FMN1: variants seen among roughly 807,000 people sequenced by gnomAD.
The protein encoded by FMN1 is formin-1.
FMN1 carries 110 observed loss-of-function variants against 132.4 expected under a neutral mutation model. The observed-to-expected ratio is 0.83, with a 90% CI of 0.71 to 0.97. The LOEUF is 0.97. Among genes scored for constraint, FMN1 ranks in the 50% least tolerant of loss-of-function variants. FMN1 has a pLI of 0.00. For missense variants in FMN1, 1,792 were observed against 1,705.3 expected (o/e 1.05, Z -0.90); for synonymous variants, 722 against 651.7 (o/e 1.11, Z -1.64).
intron 2 of FMN1, among the ~76,000 whole-genome samples, chr15:33,192,027 G>T (rs4238562): frequency 3.3e-5 from 5 of 152,184 alleles, no homozygotes; most frequent in South Asian, 4.1e-4. Context: ...GCCCCTAAAC[G>T]TGGTCATACT....
chr15:33,086,455 A>AT (rs1448407550), intron 5 of FMN1, among the ~76,000 whole-genome samples: 1 of 152,012 alleles, frequency 6.6e-6, no homozygotes, highest in Non-Finnish European at 1.5e-5. Context: ...CAAATTTTCT[A>AT]TAAGGATTGT....
At chr15:32,993,335 C>A (rs143807594) in intron 7 of FMN1, among the ~76,000 whole-genome samples, 3 of 152,256 alleles carry the variant, frequency 2.0e-5, no homozygotes, top group East Asian at 3.9e-4. Flanking sequence ...TCTATGTTTT[C>A]TCAGTTAATC....
At chr15:33,003,233 T>C (rs1002859049) in intron 7 of FMN1, among the ~76,000 whole-genome samples, 1 of 152,212 alleles carries the variant, frequency 6.6e-6, no homozygotes, top group Non-Finnish European at 1.5e-5. Flanking sequence ...ATAAAGGGCA[T>C]TCAATAGGAA....
intron 4 of FMN1, among the ~76,000 whole-genome samples, chr15:33,108,414 A>T (rs2039567549): frequency 6.6e-6 from 1 of 151,954 alleles, no homozygotes; most frequent in South Asian, 2.1e-4. Flanking sequence ...GGCACATAAG[A>T]AGAGAAAATA....
At chr15:33,015,450 T>C (rs889111000) in intron 6 of FMN1, among the ~76,000 whole-genome samples, 2 of 152,216 alleles carry the variant, frequency 1.3e-5, no homozygotes, top group Admixed American at 6.5e-5. Flanking sequence ...TAGTTACTAG[T>C]TTCTGGTTAA....
chr15:32,782,011 ATTC>A (rs1449658166), intron 19 of FMN1, among the ~76,000 whole-genome samples: 4 of 152,028 alleles, frequency 2.6e-5, no homozygotes, highest in Admixed American at 2.0e-4. Flanking sequence ...AATTCTTCCC[ATTC>A]TTCTATTTAC....
intron 2 of FMN1, among the ~76,000 whole-genome samples, chr15:33,193,393 T>G (rs1966145865): frequency 6.6e-6 from 1 of 152,120 alleles, no homozygotes; most frequent in Non-Finnish European, 1.5e-5. Context: ...GAGAACAGAA[T>G]ATAATTCTCT....
At chr15:33,120,770 C>T (rs1011901131) in intron 4 of FMN1, among the ~76,000 whole-genome samples, 1 of 152,122 alleles carries the variant, frequency 6.6e-6, no homozygotes, top group Non-Finnish European at 1.5e-5. Context: ...TACCCTTTTA[C>T]TGCACATTTG....
chr15:33,055,908 G>C (rs2037194994), intron 6 of FMN1, among the ~76,000 whole-genome samples: 1 of 152,170 alleles, frequency 6.6e-6, no homozygotes, highest in South Asian at 2.1e-4. Context: ...ATGAGAAAGA[G>C]AGACAATTCA....
intron 6 of FMN1, chr15:33,012,976 T>C: frequency 2.2e-6 from 1 of 456,738 alleles, no homozygotes; most frequent in Non-Finnish European, 4.3e-6. Flanking sequence ...AAGCTCTGGT[T>C]CCTATGATGG....
intron 17 of FMN1, among the ~76,000 whole-genome samples, chr15:32,830,194 T>C (rs1456648276): frequency 1.3e-5 from 2 of 152,044 alleles, no homozygotes; most frequent in African/African-American, 4.8e-5. Flanking sequence ...TTATTGGATA[T>C]GAAATAACAA....
intron 9 of FMN1, among the ~76,000 whole-genome samples, chr15:32,961,788 T>A (rs1466724739): frequency 6.6e-6 from 1 of 151,798 alleles, no homozygotes; most frequent in Admixed American, 6.6e-5. Context: ...ACACAGAGAG[T>A]GAAAGGACCT....
intron 6 of FMN1, chr15:33,013,102 A>C (rs765031332): frequency 4.7e-4 from 193 of 411,540 alleles, no homozygotes; most frequent in Non-Finnish European, 8.2e-4. Flanking sequence ...GTAGGAGAGT[A>C]GAGCCAGAGA....
chr15:32,870,437 C>G (rs1343818446), intron 16 of FMN1, among the ~76,000 whole-genome samples: 1 of 152,162 alleles, frequency 6.6e-6, no homozygotes, highest in African/African-American at 2.4e-5. Context: ...CCTTAATGTA[C>G]CATGATTGGG....
intron 4 of FMN1, among the ~76,000 whole-genome samples, chr15:33,102,652 T>C (rs2039338294): frequency 6.6e-6 from 1 of 152,038 alleles, no homozygotes; most frequent in South Asian, 2.1e-4. Context: ...CCCATGGAGT[T>C]TGCCTCGTGG....
At chr15:33,089,814 ATTC>A (rs769978088) in intron 4 of FMN1, among the ~76,000 whole-genome samples, 20 of 152,222 alleles carry the variant, frequency 1.3e-4, no homozygotes, top group Non-Finnish European at 2.8e-4. Context: ...CTGACATTCT[ATTC>A]TTAAGATGGC....
chr15:33,059,016 G>A (rs1261679996), intron 6 of FMN1, among the ~76,000 whole-genome samples: 1 of 152,086 alleles, frequency 6.6e-6, no homozygotes, highest in East Asian at 1.9e-4. Context: ...AAAATGTTGT[G>A]CCCTTTGATC....
rs2029906937 is a variant in FMN1 at position 32,957,314 on chromosome 15, T to TTTG, written c.3138+6792_3138+6793insCAA. On this transcript the variant is annotated intron_variant, in intron 9 of 20. Coordinates refer to ENST00000616417, the MANE Select transcript of FMN1 (RefSeq NM_001277313.2). ...AGAGCAGTTCTTTTTTTTTTTTTTT[T>TTTG]TTTTTTTTTTTACAGGAACCAGGAG... Among the ~76,000 whole-genome samples the TTTG allele has an allele frequency of 4.8e-5, 7 of 146,260 alleles. No homozygotes were observed. In the South Asian group the frequency reaches 1.3e-3, roughly 28 times the overall value.
chr15:33,088,990 G>A lies in FMN1; in HGVS notation c.1868-16C>T, dbSNP rs1238176848. On this transcript the variant is annotated splice_polypyrimidine_tract_variant and intron_variant, in intron 4 of 20. Coordinates refer to ENST00000616417, the MANE Select transcript of FMN1 (RefSeq NM_001277313.2). Reference sequence around the variant, plus strand: ...GAGGAGATACCTAAACAAACACAGAGAAGGCCATCAGTGACATGGCAGCCA... The same window carrying A: ...GAGGAGATACCTAAACAAACACAGAAAAGGCCATCAGTGACATGGCAGCCA... The A allele has an allele frequency of 3.3e-6, 5 of 1,524,426 alleles. No individual in the cohort carries two copies. Among genetic ancestry groups the A allele is most frequent in the East Asian group, 2.5e-5 (1 of 40,816 alleles). 94.4% of individuals were successfully genotyped at this position (1,524,426 alleles called of 1,614,324 possible).
Sources: allele counts gnomAD v4.1 joint callset (sites outside exome capture counted in the v4.1 genomes callset), GRCh38; gene constraint gnomAD v4.1.1; transcripts MANE v1.5; gene names NCBI Gene and HGNC (gene_info 2026-07-23, HGNC 2026-07-21).